Variants in CACNA2D3 observed in about 807,000 individuals in gnomAD.
CACNA2D3 encodes the protein voltage-dependent calcium channel subunit alpha-2/delta-3.
Under a neutral mutation model 160.6 loss-of-function variants are expected in CACNA2D3, and 60 were observed. The ratio of observed to expected loss-of-function variants is 0.37; its 90% CI spans 0.30 to 0.46. The LOEUF (loss-of-function observed/expected upper bound fraction) is 0.46. Ranked by LOEUF, CACNA2D3 falls within the 20% of genes least tolerant of loss-of-function variation. The probability of loss-of-function intolerance (pLI) is 1.00; values close to 1 mark genes in which losing one functional copy is unlikely to be tolerated. For missense variants in CACNA2D3, 1,205 were observed against 1,365.0 expected (o/e 0.88, Z 1.85); for synonymous variants, 558 against 492.9 (o/e 1.13, Z -1.75).
chr3:54,618,653 T>C (rs1246107581), intron 9 of CACNA2D3, among the ~76,000 whole-genome samples: 1 of 152,160 alleles, frequency 6.6e-6, no homozygotes, highest in Non-Finnish European at 1.5e-5. Flanking sequence ...CAGAAATGAA[T>C]GTAGCCACCA....
At chr3:54,807,126 T>A (rs2106687923) in intron 13 of CACNA2D3, among the ~76,000 whole-genome samples, 1 of 152,276 alleles carries the variant, frequency 6.6e-6, no homozygotes, top group East Asian at 1.9e-4. Context: ...GGCATTACCA[T>A]TCAGGACATA....
chr3:54,461,214 C>G (rs1263893348), intron 4 of CACNA2D3, among the ~76,000 whole-genome samples: 1 of 152,030 alleles, frequency 6.6e-6, no homozygotes, highest in Non-Finnish European at 1.5e-5. Context: ...CAATGTTCAT[C>G]AAGGATATTG....
At chr3:54,263,231 G>A (rs1477179921) in intron 2 of CACNA2D3, among the ~76,000 whole-genome samples, 1 of 152,174 alleles carries the variant, frequency 6.6e-6, no homozygotes, top group Non-Finnish European at 1.5e-5. Context: ...ATTACTGAAA[G>A]TTGTGCTTAT....
chr3:55,059,021 G>C (rs1047195071), intron 35 of CACNA2D3, among the ~76,000 whole-genome samples: 1 of 151,932 alleles, frequency 6.6e-6, no homozygotes, highest in Non-Finnish European at 1.5e-5. Context: ...AAAATATTTT[G>C]TTCATGTAAT....
rs376192777 is a variant in CACNA2D3 at position 54,229,387 on chromosome 3, G to T, written c.205-91055G>T. On this transcript the variant is annotated intron_variant, in intron 2 of 37. Transcript: ENST00000474759. ...TTGTATTTTGTTTAGTAGAGACGGG[G>T]TTTCACCATGTTAGCCAGGATGGTC... 2.6e-4 allele frequency among the ~76,000 whole-genome samples: 40 copies of T among 152,150 alleles called. No homozygotes were observed. In the East Asian group the frequency reaches 2.9e-3, roughly 11 times the overall value.
rs559012121 is a variant in CACNA2D3 at position 54,412,480 on chromosome 3, A to T, written c.381+25706A>T. On this transcript the variant is annotated intron_variant, in intron 4 of 37. Transcript: ENST00000474759. ...TTAAGGTTATCATTTTATCTTTTAGATTTTATCTTTTATCATTAAGAAATA... is the reference window on the plus strand; with the variant it reads ...TTAAGGTTATCATTTTATCTTTTAGTTTTTATCTTTTATCATTAAGAAATA... 2.0e-5 allele frequency among the ~76,000 whole-genome samples: 3 copies of T among 151,624 alleles called. No individual in the cohort carries two copies. The South Asian group carries it at 6.2e-4, about 32-fold the overall frequency.
At chr3:54,856,538 A>G (rs1159440939) in intron 17 of CACNA2D3, among the ~76,000 whole-genome samples, 2 of 152,138 alleles carry the variant, frequency 1.3e-5, no homozygotes, top group African/African-American at 2.4e-5. Flanking sequence ...CAGACACCCT[A>G]TTAGATGCCA....
At chr3:54,281,635 G>A (rs1049810750) in intron 2 of CACNA2D3, among the ~76,000 whole-genome samples, 4 of 152,194 alleles carry the variant, frequency 2.6e-5, no homozygotes, top group Non-Finnish European at 4.4e-5. Flanking sequence ...GCCAGTTGGT[G>A]CGGTTATGTT....
chr3:54,544,368 C>A (rs954622028), intron 5 of CACNA2D3, among the ~76,000 whole-genome samples: 2 of 145,996 alleles, frequency 1.4e-5, no homozygotes, highest in Admixed American at 6.9e-5. Context: ...TTCCTCCAAT[C>A]TTCTGATCTT....
intron 4 of CACNA2D3, among the ~76,000 whole-genome samples, chr3:54,469,529 A>AG (rs144499287): frequency 0.042 from 6,443 of 152,212 alleles, 473 homozygotes; most frequent in African/African-American, 0.15. Flanking sequence ...TCTCCTCCAA[A>AG]GGATCACAAC....
intron 35 of CACNA2D3, among the ~76,000 whole-genome samples, chr3:55,041,511 T>C (rs570797648): frequency 6.6e-6 from 1 of 152,300 alleles, no homozygotes; most frequent in East Asian, 1.9e-4. Context: ...ATTTAACTTA[T>C]TAGAAGTGAG....
At chr3:54,220,650 G>C (rs1452601850) in intron 2 of CACNA2D3, among the ~76,000 whole-genome samples, 1 of 152,076 alleles carries the variant, frequency 6.6e-6, no homozygotes, top group Non-Finnish European at 1.5e-5. Flanking sequence ...CCTTCCTCTA[G>C]CTTCAGGTCT....
In CACNA2D3 at chr3:54,565,352, A is replaced by C. The variant is rs1702392675; in HGVS notation, c.676+2421A>C. 2.0e-5 allele frequency among the ~76,000 whole-genome samples: 3 copies of C among 152,124 alleles called. No homozygotes were observed. The South Asian group carries it at 6.2e-4, about 32-fold the overall frequency. ...TCACTGAGAAGGATCACCAACTCCA[A>C]CTCCTGGCGTGAGAGGAAAGAGTCC... On this transcript the variant is annotated intron_variant, in intron 6 of 37. Transcript: ENST00000474759.
At chr3:54,220,912 T>C (rs1460286797) in intron 2 of CACNA2D3, among the ~76,000 whole-genome samples, 1 of 152,232 alleles carries the variant, frequency 6.6e-6, no homozygotes, top group Non-Finnish European at 1.5e-5. Context: ...TTCCTGCTGC[T>C]GACCCTAGGC....
intron 26 of CACNA2D3, among the ~76,000 whole-genome samples, chr3:54,898,856 A>C (rs1700262005): frequency 6.6e-6 from 1 of 152,144 alleles, no homozygotes; most frequent in Non-Finnish European, 1.5e-5. Flanking sequence ...ACCCCCTTAG[A>C]GTCCGGGAAA....
chr3:54,719,000 A>G (rs902667084), intron 11 of CACNA2D3, among the ~76,000 whole-genome samples: 1 of 151,976 alleles, frequency 6.6e-6, no homozygotes, highest in Non-Finnish European at 1.5e-5. Flanking sequence ...CTTGTGTACA[A>G]TGATTTTGCC....
At chr3:54,982,109 G>A (rs1702521236) in intron 29 of CACNA2D3, among the ~76,000 whole-genome samples, 1 of 152,170 alleles carries the variant, frequency 6.6e-6, no homozygotes, top group Non-Finnish European at 1.5e-5. Context: ...AGCTCCCCAT[G>A]TCCTGTGGTC....
intron 2 of CACNA2D3, among the ~76,000 whole-genome samples, chr3:54,183,892 G>GAAAAAAAAAAAAA (rs58956795): frequency 8.7e-5 from 7 of 80,798 alleles, no homozygotes; most frequent in Non-Finnish European, 6.4e-5. Context: ...TCTCAAAAAA[G>GAAAAAAAAAAAAA]AAAAAAAAAA....
At chr3:54,514,082 A>G (rs1701505016) in intron 5 of CACNA2D3, among the ~76,000 whole-genome samples, 1 of 152,216 alleles carries the variant, frequency 6.6e-6, no homozygotes, top group Admixed American at 6.5e-5. Flanking sequence ...ATAAATGAAA[A>G]CTAGTCTTAT....
Sources: allele counts gnomAD v4.1 joint callset (sites outside exome capture counted in the v4.1 genomes callset), GRCh38; gene constraint gnomAD v4.1.1; transcripts MANE v1.5; gene names NCBI Gene and HGNC (gene_info 2026-07-23, HGNC 2026-07-21).